The following ADGRV1 variants were observed in gnomAD, a reference collection of about 807,000 sequenced individuals.
The protein encoded by ADGRV1 is G-protein coupled receptor 98.
ADGRV1 carries 359 observed loss-of-function variants against 596.2 expected under a neutral mutation model. The ratio of observed to expected loss-of-function variants is 0.60; its 90% CI spans 0.55 to 0.66. ADGRV1 has a LOEUF of 0.66. Among genes scored for constraint, ADGRV1 ranks in the 30% least tolerant of loss-of-function variants. The pLI is 0.00. For synonymous variants in ADGRV1, 2,681 were observed against 2,679.2 expected, an observed-to-expected ratio of 1.00 and a Z score of -0.02; for missense variants, 7,274 against 7,575.6, an observed-to-expected ratio of 0.96 and a Z score of 1.48.
At chr5:90,617,467 G>A (rs1456996826) in intron 2 of ADGRV1, 20 of 184,778 alleles carry the variant, frequency 1.1e-4, no homozygotes, top group Non-Finnish European at 1.9e-4. Flanking sequence ...ACACCACCAC[G>A]CCCAGCTAAT....
chr5:91,067,118 T>C (rs939776417), intron 85 of ADGRV1, among the ~76,000 whole-genome samples: 1 of 151,046 alleles, frequency 6.6e-6, no homozygotes, highest in Non-Finnish European at 1.5e-5. Flanking sequence ...AGTCATCCTA[T>C]AAGTAGGGAG....
chr5:91,145,509 G>C (rs942572497), intron 87 of ADGRV1, among the ~76,000 whole-genome samples: 1 of 152,134 alleles, frequency 6.6e-6, no homozygotes, highest in South Asian at 2.1e-4. Flanking sequence ...CATGTGAAAA[G>C]TTTGTTGTAC....
chr5:91,130,963 G>GGCT (rs1794166311), intron 87 of ADGRV1, among the ~76,000 whole-genome samples: 2 of 152,190 alleles, frequency 1.3e-5, no homozygotes, highest in African/African-American at 4.8e-5. Context: ...CATTTTTTAT[G>GGCT]GCTGCATAGT....
intron 43 of ADGRV1, among the ~76,000 whole-genome samples, chr5:90,719,346 T>C (rs1750601835): frequency 6.6e-6 from 1 of 151,106 alleles, no homozygotes; most frequent in African/African-American, 2.4e-5. Context: ...AATAAATAAA[T>C]AAATAAATAA....
At chr5:90,732,002 TTTAA>T (rs1211598552) in intron 50 of ADGRV1, among the ~76,000 whole-genome samples, 4 of 152,174 alleles carry the variant, frequency 2.6e-5, no homozygotes, top group African/African-American at 2.4e-5. Flanking sequence ...ACTTTATGTA[TTTAA>T]TTAATTTTTT....
Position 90,811,283 on chromosome 5 carries a change from T to C in ADGRV1, c.16023T>C (p.Ile5341=), listed in dbSNP as rs1762418156. Residue 5341 remains isoleucine, a synonymous_variant, in exon 74 of 90, where the codon ATT becomes ATC. Transcript: ENST00000405460. Reference sequence around the variant, plus strand: ...CAAACCCTCAAGGGGGAGCACAGATTGTGGAGGAGAAGGATGATACTGGAT... The same window carrying C: ...CAAACCCTCAAGGGGGAGCACAGATCGTGGAGGAGAAGGATGATACTGGAT... ...FLTNPQGGAQ[I]VEEKDDTGFA... The C allele has an allele frequency of 6.2e-7, 1 of 1,612,982 alleles. No individual in the cohort carries two copies. The highest frequency in any genetic ancestry group is 8.5e-7 in the Non-Finnish European group (1 of 1,179,474).
chr5:90,938,806 A>G (rs760794583), intron 83 of ADGRV1, among the ~76,000 whole-genome samples: 36 of 152,310 alleles, frequency 2.4e-4, no homozygotes, highest in Non-Finnish European at 8.8e-5. Flanking sequence ...TGTTTATTTT[A>G]CAAAGTATTG....
At chr5:90,620,774 A>C (rs1165560731) in intron 4 of ADGRV1, among the ~76,000 whole-genome samples, 2 of 152,174 alleles carry the variant, frequency 1.3e-5, no homozygotes, top group African/African-American at 2.4e-5. Flanking sequence ...TAATTTTTGT[A>C]TAAGGTGTAA....
At chr5:91,111,785 G>T (rs1042918596) in intron 87 of ADGRV1, among the ~76,000 whole-genome samples, 1 of 152,042 alleles carries the variant, frequency 6.6e-6, no homozygotes, top group African/African-American at 2.4e-5. Flanking sequence ...CTCTATCATT[G>T]ATTTGTCCCA....
intron 77 of ADGRV1, among the ~76,000 whole-genome samples, chr5:90,838,376 A>G (rs1289441671): frequency 1.3e-5 from 2 of 151,692 alleles, no homozygotes; most frequent in Admixed American, 6.6e-5. Context: ...CCTGTTGGCT[A>G]TGTTGGTCTT....
At chr5:90,664,646 C>T (rs1217926964) in intron 21 of ADGRV1, among the ~76,000 whole-genome samples, 3 of 138,550 alleles carry the variant, frequency 2.2e-5, no homozygotes, top group South Asian at 5.1e-4. Context: ...ACTTCCAACA[C>T]TATGTTGAAT....
At chr5:90,866,315 A>ATATGTGTGTGTG (rs1554140381) in intron 83 of ADGRV1, among the ~76,000 whole-genome samples, 2 of 138,218 alleles carry the variant, frequency 1.4e-5, no homozygotes, top group Admixed American at 7.0e-5. Context: ...GTATGTGTAT[A>ATATGTGTGTGTG]TGTGTGTGTG....
chr5:90,810,997 G>T lies in ADGRV1; in HGVS notation c.15737G>T (p.Arg5246Leu), dbSNP rs772037044. Residue 5246 changes from arginine to leucine, a missense_variant, in exon 74 of 90, where the codon CGA (arginine) becomes CTA (leucine). Arg to Leu is a moderately radical substitution (Grantham distance 102). This residue lies in a region of ADGRV1 where 1,874 missense variants were observed against 1,970.2 expected (regional missense o/e 0.95). Transcript: ENST00000405460. ...GTFNTAEVLI[R>L]RTGGFTGNVS... ...TTCAACACTGCAGAAGTTCTTATCC[G>T]AAGAACTGGTGGGTTTACTGGCAAT... The T allele has an allele frequency of 1.8e-5, 29 of 1,613,828 alleles. No homozygotes were observed. In the Admixed American group the frequency reaches 4.8e-4, roughly 27 times the overall value.
At chr5:91,021,501 T>C (rs1783629431) in intron 85 of ADGRV1, among the ~76,000 whole-genome samples, 1 of 152,128 alleles carries the variant, frequency 6.6e-6, no homozygotes, top group African/African-American at 2.4e-5. Context: ...CTGAGACTAA[T>C]AATTTCTGTG....
At chr5:91,143,718 GGCTTCAGGCCTTCCCCA>G (rs1216631620) in intron 87 of ADGRV1, among the ~76,000 whole-genome samples, 1 of 152,162 alleles carries the variant, frequency 6.6e-6, no homozygotes, top group African/African-American at 2.4e-5. Flanking sequence ...CTGGCCCCCA[GGCTTCAGGCCTTCCCCA>G]GCTTGAAGGT....
chr5:90,964,216 TG>T (rs936608522), intron 83 of ADGRV1, among the ~76,000 whole-genome samples: 26 of 152,290 alleles, frequency 1.7e-4, no homozygotes, highest in African/African-American at 5.5e-4. Context: ...GGCACATTAT[TG>T]TTTTTTTAAT....
chr5:91,068,220 G>A (rs1788055823), intron 85 of ADGRV1, among the ~76,000 whole-genome samples: 1 of 152,064 alleles, frequency 6.6e-6, no homozygotes, highest in Admixed American at 6.6e-5. Flanking sequence ...ACTTTGGGAG[G>A]CCAGGGCAGG....
intron 85 of ADGRV1, among the ~76,000 whole-genome samples, chr5:91,030,268 A>G (rs1784362516): frequency 1.3e-5 from 2 of 152,154 alleles, no homozygotes; most frequent in South Asian, 4.1e-4. Context: ...TCTTGGATTC[A>G]AATTATTATA....
chr5:90,609,108 G>A (rs988583139), intron 1 of ADGRV1, among the ~76,000 whole-genome samples: 1 of 151,896 alleles, frequency 6.6e-6, no homozygotes, highest in Non-Finnish European at 1.5e-5. Flanking sequence ...TCTGTCTTCT[G>A]TAGGAATACA....
Sources: gnomAD v4.1 joint callset for allele counts (sites outside exome capture counted in the v4.1 genomes callset) on GRCh38, gnomAD v4.1.1 for gene constraint, gnomAD v4.1.1 regional missense constraint, MANE v1.5 for transcripts, NCBI Gene and HGNC (gene_info 2026-07-23, HGNC 2026-07-21) for gene names.